Variants in COL28A1 observed in about 807,000 individuals in gnomAD.
The protein encoded by COL28A1 is collagen alpha-1(XXVIII) chain.
Under a neutral mutation model 150.2 loss-of-function variants are expected in COL28A1, and 161 were observed. The ratio of observed to expected loss-of-function variants is 1.07; its 90% CI spans 0.94 to 1.22. The LOEUF is 1.22. Among genes scored for constraint, COL28A1 ranks in the 50% most tolerant of loss-of-function variants. The pLI is 0.00. For missense variants in COL28A1, 1,617 were observed against 1,388.3 expected (o/e 1.16, Z -2.62); for synonymous variants, 552 against 469.7 (o/e 1.18, Z -2.26).
At chr7:7,532,660 G>C in intron 2 of COL28A1, 92 bp downstream of exon 2, 1 of 1,479,836 alleles carries the variant, frequency 6.8e-7, no homozygotes, top group Non-Finnish European at 9.0e-7. Context: ...CATGTATATG[G>C]CTTGCTATTT....
chr7:7,507,268 T>C (rs1054122945), intron 9 of COL28A1, 107 bp from the exon 10 acceptor site: 22 of 645,076 alleles, frequency 3.4e-5, no homozygotes, highest in Admixed American at 1.3e-4. Flanking sequence ...CCATCTTCCC[T>C]GGTTATCTTA....
the COL28A1 span, among the ~76,000 whole-genome samples, chr7:7,543,619 T>C: frequency 6.6e-6 from 1 of 152,132 alleles, no homozygotes; most frequent in Non-Finnish European, 1.5e-5. Flanking sequence ...TATAGCAGCA[T>C]ACCACTATGC....
intron 15 of COL28A1, among the ~76,000 whole-genome samples, chr7:7,461,605 C>A (rs1467239183): frequency 6.6e-6 from 1 of 152,120 alleles, no homozygotes; most frequent in Non-Finnish European, 1.5e-5. Context: ...AGGACTATGA[C>A]TGCTGGCTTT....
rs183975985 is a variant in COL28A1 at position 7,525,554 on chromosome 7, G to A, written c.682-1305C>T. Among the ~76,000 whole-genome samples, 22 of 152,326 alleles carry A rather than the reference G, an allele frequency of 1.4e-4. No homozygotes were observed. In the East Asian group the frequency reaches 3.1e-3, roughly 21 times the overall value. ...TTTACATACGATAAAATAGAAAGAT[G>A]AAGGAGCAAGCACTGGAATATTTGT... On this transcript the variant is annotated intron_variant, in intron 3 of 34. Transcript: ENST00000399429.
the COL28A1 span, among the ~76,000 whole-genome samples, chr7:7,340,778 C>T: frequency 6.6e-6 from 1 of 151,976 alleles, no homozygotes; most frequent in African/African-American, 2.4e-5. Flanking sequence ...TCTCTGAGGC[C>T]ATCTATAATC....
Position 7,373,503 on chromosome 7 carries a change from A to G in COL28A1, c.2403T>C (p.Phe801=), listed in dbSNP as rs375708876. The G allele has an allele frequency of 7.4e-6, 12 of 1,613,828 alleles. No individual in the cohort carries two copies. Among genetic ancestry groups the G allele is most frequent in the Non-Finnish European group, 1.0e-5 (12 of 1,180,022 alleles). ...KCKETPLELV[F]VIDSSESVGP... ...CCACGCTTTCTGAGCTGTCGATCAC[A>G]AACACCAGCTCTAGTGGAGTCTCTT... Residue 801 remains phenylalanine (F), a synonymous_variant, in exon 32 of 35, where the codon TTT becomes TTC. Transcript: ENST00000399429. The surrounding 1 kb of genome is among the most constrained non-coding windows in gnomAD (Gnocchi z 4.1).
chr7:7,350,590 G>T, the COL28A1 span, among the ~76,000 whole-genome samples: 1 of 151,388 alleles, frequency 6.6e-6, no homozygotes, highest in East Asian at 1.9e-4. Flanking sequence ...TTACTTAAAG[G>T]CAAGAGTTGT....
At chr7:7,403,576 G>A (rs1263303434) in intron 27 of COL28A1, among the ~76,000 whole-genome samples, 1 of 152,134 alleles carries the variant, frequency 6.6e-6, no homozygotes, top group Non-Finnish European at 1.5e-5. Flanking sequence ...CTGGACATTG[G>A]TAAGGAAGTC....
In COL28A1 at chr7:7,382,016, A is replaced by C. The variant is rs189438960; in HGVS notation, c.2137-404T>G. 2.5e-3 allele frequency among the ~76,000 whole-genome samples: 386 copies of C among 152,264 alleles called. 1 individual carries two copies. Among genetic ancestry groups the C allele is most frequent in the African/African-American group, 9.1e-3 (377 of 41,530 alleles). ...TCCATGTTTTCTGGTATGTTAAAAA[A>C]CACATGTTATTGGCTGGGCACGGTG... On this transcript the variant is annotated intron_variant, in intron 27 of 34. Coordinates refer to ENST00000399429, the MANE Select transcript of COL28A1 (RefSeq NM_001037763.3).
At chr7:7,398,004 T>C (rs1224559862) in intron 27 of COL28A1, among the ~76,000 whole-genome samples, 2 of 152,246 alleles carry the variant, frequency 1.3e-5, no homozygotes, top group East Asian at 3.8e-4. Flanking sequence ...ATATATTGAA[T>C]TGGACCTTTG....
At chr7:7,424,117 G>C (rs889772831) in intron 25 of COL28A1, among the ~76,000 whole-genome samples, 1 of 152,138 alleles carries the variant, frequency 6.6e-6, no homozygotes, top group African/African-American at 2.4e-5. Flanking sequence ...ATGCTTTTGT[G>C]AATCTAATAG....
At chr7:7,385,287 G>A (rs1354468949) in intron 27 of COL28A1, among the ~76,000 whole-genome samples, 1 of 152,134 alleles carries the variant, frequency 6.6e-6, no homozygotes, top group East Asian at 1.9e-4. Flanking sequence ...CAAGGGAGAT[G>A]CGTCAGACCG....
intron 27 of COL28A1, among the ~76,000 whole-genome samples, chr7:7,408,074 C>A (rs996072100): frequency 2.6e-5 from 4 of 151,968 alleles, no homozygotes; most frequent in African/African-American, 7.3e-5. Flanking sequence ...TGTCTCTCTG[C>A]CTCCATTTCT....
intron 12 of COL28A1, 21 bp from the exon 13 acceptor site, chr7:7,489,478 A>G: frequency 1.9e-6 from 2 of 1,038,750 alleles, no homozygotes; most frequent in Non-Finnish European, 3.1e-6. Context: ...GAAATAATAG[A>G]ATGAAAGCTT....
intron 27 of COL28A1, among the ~76,000 whole-genome samples, chr7:7,392,902 C>G (rs894079686): frequency 3.3e-5 from 5 of 152,252 alleles, no homozygotes; most frequent in African/African-American, 7.2e-5. Flanking sequence ...TTCTTAGCTT[C>G]CTTGCATTGG....
chr7:7,519,309 T>C (rs891419732), intron 6 of COL28A1, among the ~76,000 whole-genome samples: 1 of 152,196 alleles, frequency 6.6e-6, no homozygotes, highest in Admixed American at 6.5e-5. Flanking sequence ...CCGCCCCCTA[T>C]GATTTAATTA....
At position 7,406,368 on chromosome 7, in the gene COL28A1, G is replaced by C. The variant is rs117494452; in HGVS notation, c.2136+11491C>G. ...CATTCATTCAAGTGTTCCTTACTTT[G>C]CTTATTCATTCAACAAATATTTATT... On this transcript the variant is annotated intron_variant, in intron 27 of 34. Transcript: ENST00000399429. 1.9e-3 allele frequency among the ~76,000 whole-genome samples: 296 copies of C among 152,238 alleles called. 7 individuals carry two copies. In the East Asian group the frequency reaches 0.051, roughly 26 times the overall value.
At chr7:7,520,138 T>C (rs564494613) in intron 5 of COL28A1, 23 bp from the exon 6 acceptor site, 2 of 1,059,052 alleles carry the variant, frequency 1.9e-6, no homozygotes, top group East Asian at 4.7e-5. Flanking sequence ...GGAAAAAATA[T>C]TATTTTAAGT....
At chr7:7,400,975 G>GGTGTGT (rs60064708) in intron 27 of COL28A1, among the ~76,000 whole-genome samples, 8,539 of 118,874 alleles carry the variant, frequency 0.072, 454 homozygotes, top group East Asian at 0.15. Context: ...TGGGTATTTG[G>GGTGTGT]GTGTGTGTGT....
Sources: allele counts gnomAD v4.1 joint callset (sites outside exome capture counted in the v4.1 genomes callset), GRCh38; gene constraint gnomAD v4.1.1; non-coding constraint Gnocchi (gnomAD v3.1); transcripts MANE v1.5; gene names NCBI Gene and HGNC (gene_info 2026-07-23, HGNC 2026-07-21).